PTPRK: variants seen among roughly 807,000 people sequenced by gnomAD.
The protein encoded by PTPRK is receptor-type tyrosine-protein phosphatase kappa.
In PTPRK, 75 loss-of-function variants were observed where a neutral mutation model predicts 178.0. The observed-to-expected ratio is 0.42, with a 90% confidence interval of 0.35 to 0.51. The LOEUF is 0.51. Among genes scored for constraint, PTPRK ranks in the 20% least tolerant of loss-of-function variants. PTPRK has a pLI of 0.02. For synonymous variants in PTPRK, 637 were observed against 620.6 expected, an observed-to-expected ratio of 1.03 and a Z score of -0.39; for missense variants, 1,441 against 1,797.8, an observed-to-expected ratio of 0.80 and a Z score of 3.59.
At chr6:127,996,839 A>G (rs1474288223) in intron 17 of PTPRK, 62 bp downstream of exon 17, 1 of 1,533,734 alleles carries the variant, frequency 6.5e-7, no homozygotes, top group Non-Finnish European at 8.8e-7. Flanking sequence ...GATTTTTCTT[A>G]AAGTTTAAAA....
chr6:128,025,685 C>T (rs1051060959), intron 13 of PTPRK, among the ~76,000 whole-genome samples: 6 of 152,174 alleles, frequency 3.9e-5, no homozygotes, highest in Admixed American at 2.6e-4. Flanking sequence ...GGGTTACCCT[C>T]GCTGCTGAGG....
intron 1 of PTPRK, among the ~76,000 whole-genome samples, chr6:128,402,476 T>A (rs1841154350): frequency 6.6e-6 from 1 of 152,098 alleles, no homozygotes. Context: ...ATGGTCTCAA[T>A]CTCTTGACCT....
chr6:127,976,153 G>A (rs1036344217), intron 27 of PTPRK, among the ~76,000 whole-genome samples: 3 of 152,178 alleles, frequency 2.0e-5, no homozygotes, highest in African/African-American at 7.2e-5. Context: ...AGACGTTTAG[G>A]AAGATGAAAT....
intron 14 of PTPRK, among the ~76,000 whole-genome samples, chr6:128,006,235 T>C (rs984221577): frequency 6.6e-6 from 1 of 151,026 alleles, no homozygotes. Context: ...TTTTTTGCCA[T>C]GCAATTAAAC....
chr6:128,012,126 T>C (rs920706063), intron 13 of PTPRK, among the ~76,000 whole-genome samples: 1 of 151,294 alleles, frequency 6.6e-6, no homozygotes, highest in African/African-American at 2.4e-5. Flanking sequence ...TTGGTGGTTG[T>C]TTTCCTTGAC....
intron 11 of PTPRK, among the ~76,000 whole-genome samples, chr6:128,075,068 T>C (rs992920842): frequency 2.0e-5 from 3 of 152,032 alleles, no homozygotes; most frequent in Non-Finnish European, 4.4e-5. Flanking sequence ...AGCTACCATC[T>C]TCTCTCACCT....
chr6:128,078,986 AACAG>A (rs1478440220), intron 10 of PTPRK, 68 bp from the exon 11 acceptor site: 3 of 1,029,344 alleles, frequency 2.9e-6, no homozygotes, highest in Non-Finnish European at 4.4e-6. Flanking sequence ...GGTCAGAATG[AACAG>A]ACAATCTTAA....
At chr6:128,064,917 T>TAA (rs1781502927) in intron 12 of PTPRK, 123 bp from the exon 13 acceptor site, 1 of 1,140,274 alleles carries the variant, frequency 8.8e-7, no homozygotes, top group African/African-American at 1.6e-5. Context: ...CAACAGAATT[T>TAA]TAATATTAAG....
chr6:128,316,523 C>T (rs1432108490), intron 3 of PTPRK, among the ~76,000 whole-genome samples: 2 of 152,122 alleles, frequency 1.3e-5, no homozygotes, highest in East Asian at 3.8e-4. Flanking sequence ...CACAGATTTA[C>T]ATTAATTGTT....
chr6:128,306,030 C>G (rs576764123), intron 3 of PTPRK, among the ~76,000 whole-genome samples: 4 of 152,118 alleles, frequency 2.6e-5, no homozygotes. Flanking sequence ...CTTATAAAAC[C>G]ATCAGATCTC....
At chr6:128,110,300 A>G (rs755102076) in intron 7 of PTPRK, among the ~76,000 whole-genome samples, 3 of 152,156 alleles carry the variant, frequency 2.0e-5, no homozygotes, top group East Asian at 1.9e-4. Flanking sequence ...AGGACACCCT[A>G]TTTACAAAAT....
chr6:128,070,299 C>T (rs905187713), intron 11 of PTPRK, among the ~76,000 whole-genome samples: 4 of 151,976 alleles, frequency 2.6e-5, no homozygotes, highest in African/African-American at 9.7e-5. Flanking sequence ...TACAGTGTTA[C>T]CAACTGAATA....
chr6:128,382,667 TA>T (rs1161843469), intron 2 of PTPRK, among the ~76,000 whole-genome samples: 3 of 151,970 alleles, frequency 2.0e-5, no homozygotes, highest in Non-Finnish European at 4.4e-5. Context: ...CTCGAACTCC[TA>T]GCCTCAAGTG....
At chr6:128,024,903 T>C (rs1774063107) in intron 13 of PTPRK, among the ~76,000 whole-genome samples, 2 of 152,186 alleles carry the variant, frequency 1.3e-5, no homozygotes, top group Non-Finnish European at 2.9e-5. Flanking sequence ...GATCATTAGA[T>C]TTTTCAGCAA....
At chr6:128,411,780 T>C (rs968575729) in intron 1 of PTPRK, among the ~76,000 whole-genome samples, 6 of 152,184 alleles carry the variant, frequency 3.9e-5, no homozygotes, top group Non-Finnish European at 1.5e-5. Flanking sequence ...GCTTTTTAAA[T>C]TTATTTAAAA....
At chr6:128,335,052 C>T (rs1830739704) in intron 2 of PTPRK, among the ~76,000 whole-genome samples, 1 of 152,180 alleles carries the variant, frequency 6.6e-6, no homozygotes, top group African/African-American at 2.4e-5. Context: ...CATGCCACTG[C>T]ACTTCAGCCT....
At chr6:128,131,798 A>G (rs1337064455) in intron 7 of PTPRK, among the ~76,000 whole-genome samples, 2 of 152,202 alleles carry the variant, frequency 1.3e-5, no homozygotes, top group Non-Finnish European at 2.9e-5. Context: ...GTGTTTATTT[A>G]ATGTCAAATT....
intron 3 of PTPRK, among the ~76,000 whole-genome samples, chr6:128,265,725 G>A (rs1041423898): frequency 6.6e-6 from 1 of 152,066 alleles, no homozygotes; most frequent in African/African-American, 2.4e-5. Context: ...CTCTAAGGTG[G>A]TACAACATTT....
At position 128,014,949 on chromosome 6, in the gene PTPRK, A is replaced by G. The variant is rs1313120285; in HGVS notation, c.2195-5681T>C. Among the ~76,000 whole-genome samples the G allele has an allele frequency of 2.6e-5, 4 of 151,700 alleles. No homozygotes were observed. In the East Asian group the frequency reaches 7.7e-4, roughly 29 times the overall value. The stretch of plus-strand genomic sequence containing the variant: ...GCAGCTAAATGCCACGTGCTTTAAC[A>G]GTAGTTGGAAAATAATTTATTCTCC... On this transcript the variant is annotated intron_variant, in intron 13 of 29. Transcript: ENST00000368226.
Sources: gnomAD v4.1 joint callset for allele counts (sites outside exome capture counted in the v4.1 genomes callset) on GRCh38, gnomAD v4.1.1 for gene constraint, MANE v1.5 for transcripts, NCBI Gene and HGNC (gene_info 2026-07-23, HGNC 2026-07-21) for gene names.